LDLRAD4: variants seen among roughly 807,000 people sequenced by gnomAD.
LDLRAD4 encodes the protein low density lipoprotein receptor class A domain containing 4, also known as low-density lipoprotein receptor class A domain-containing protein 4.
A neutral mutation model predicts 17.0 loss-of-function variants in LDLRAD4; 5 were observed. That is an observed-to-expected ratio of 0.29 (90% CI 0.15 to 0.62). LDLRAD4 has a LOEUF of 0.62. Ranked by LOEUF, LDLRAD4 falls within the 20% of genes least tolerant of loss-of-function variation. The pLI is 0.84. For synonymous variants in LDLRAD4, 168 were observed against 171.8 expected, an observed-to-expected ratio of 0.98 and a Z score of 0.17; for missense variants, 340 against 424.7, an observed-to-expected ratio of 0.80 and a Z score of 1.75.
chr18:13,483,824 C>T (rs1026921131), intron 3 of LDLRAD4, among the ~76,000 whole-genome samples: 1 of 152,192 alleles, frequency 6.6e-6, no homozygotes, highest in Admixed American at 6.5e-5. Context: ...CAGCAGTACT[C>T]ACTAGCGCTC....
In LDLRAD4 at chr18:13,645,047, G is replaced by A. The variant is rs559595434; in HGVS notation, c.391-80G>A. 41 of 1,213,434 alleles carry A rather than the reference G, an allele frequency of 3.4e-5. No homozygotes were observed. The highest frequency in any genetic ancestry group is 1.1e-4 in the Admixed American group (5 of 46,670). The allele number at this position is 1,213,434 out of a possible 1,614,324, so 75.2% of individuals were successfully genotyped here. ...AAACTGGTAGGAACACACACCAAGCGTAACTTTCCTTGATTCTGACACATT... is the reference window on the plus strand; with the variant it reads ...AAACTGGTAGGAACACACACCAAGCATAACTTTCCTTGATTCTGACACATT... On this transcript the variant is annotated intron_variant, in intron 5 of 5. Coordinates refer to ENST00000359446, the Ensembl canonical transcript of LDLRAD4. The surrounding 1 kb of genome is among the most constrained non-coding windows in gnomAD (Gnocchi z 5.7).
intron 1 of LDLRAD4, among the ~76,000 whole-genome samples, chr18:13,294,822 T>TAA (rs11362104): frequency 4.8e-4 from 65 of 135,246 alleles, no homozygotes; most frequent in South Asian, 9.7e-4. Context: ...TGTAAAATAG[T>TAA]AAAAAAAAAA....
Position 13,221,016 on chromosome 18 carries a change from C to A in LDLRAD4, c.-467+2028C>A, listed in dbSNP as rs76138787. ...GGAATTCTTGAAATTGTAGACTGCT[C>A]TGATCTTTCTGGTAGTCCTTGCCAT... On this transcript the variant is annotated intron_variant, in intron 1 of 5. Coordinates refer to the LDLRAD4 transcript ENST00000399848. 9.8e-5 allele frequency among the ~76,000 whole-genome samples: 15 copies of A among 152,310 alleles called. No individual in the cohort carries two copies. In the East Asian group the frequency reaches 2.9e-3, roughly 29 times the overall value.
chr18:13,305,467 G>C (rs997812989), intron 1 of LDLRAD4, among the ~76,000 whole-genome samples: 1 of 152,180 alleles, frequency 6.6e-6, no homozygotes, highest in East Asian at 1.9e-4. Flanking sequence ...CTTCTCAACA[G>C]TAAATTTCAT....
At chr18:13,345,340 C>T (rs1244396906) in intron 1 of LDLRAD4, among the ~76,000 whole-genome samples, 1 of 152,142 alleles carries the variant, frequency 6.6e-6, no homozygotes, top group African/African-American at 2.4e-5. Context: ...TTGAGATAAT[C>T]ATGTGGTTTT....
At chr18:13,229,072 C>T (rs1337270661) in intron 1 of LDLRAD4, among the ~76,000 whole-genome samples, 1 of 152,222 alleles carries the variant, frequency 6.6e-6, no homozygotes, top group African/African-American at 2.4e-5. Flanking sequence ...GGCTTCTGTT[C>T]TGCCATCTGC....
chr18:13,309,992 C>T (rs151173561), intron 1 of LDLRAD4, among the ~76,000 whole-genome samples: 62 of 152,084 alleles, frequency 4.1e-4, no homozygotes, highest in Non-Finnish European at 7.5e-4. Flanking sequence ...CGGGCAGCCT[C>T]GGTGACAGTG....
intron 1 of LDLRAD4, among the ~76,000 whole-genome samples, chr18:13,219,466 C>T (rs1253395401): frequency 6.6e-6 from 1 of 152,070 alleles, no homozygotes; most frequent in African/African-American, 2.4e-5. Flanking sequence ...TCTTCTCATC[C>T]CCGGACCAGC....
rs534798084 is a variant in LDLRAD4, at chr18:13,459,159, C to CAAAA, written c.181+20804_181+20807dup. On this transcript the variant is annotated intron_variant, in intron 3 of 5. Coordinates refer to ENST00000359446, the Ensembl canonical transcript of LDLRAD4. ...ACATAGTGAGACTCCATCTCTACAC[C>CAAAA]AAAAAAAAAAAAAAAAAAAAAAAAA... is the stretch of plus-strand genomic sequence containing the variant. Among the ~76,000 whole-genome samples, 120 of 53,740 alleles carry CAAAA rather than the reference C, an allele frequency of 2.2e-3. 12 individuals carry two copies. Among genetic ancestry groups the CAAAA allele is most frequent in the African/African-American group, 5.9e-3 (98 of 16,606 alleles). The allele number at this position is 53,740 out of a possible 152,430, so 35.3% of individuals were successfully genotyped here.
chr18:13,455,321 C>A (rs528796768), intron 3 of LDLRAD4, among the ~76,000 whole-genome samples: 1 of 152,308 alleles, frequency 6.6e-6, no homozygotes, highest in African/African-American at 2.4e-5. Context: ...TTAAAATGCA[C>A]ACATTTAATT....
At position 13,280,575 on chromosome 18, in the gene LDLRAD4, G is replaced by T. The variant is rs181890366; in HGVS notation, c.-383+2387G>T. On this transcript the variant is annotated intron_variant, in intron 1 of 5. Transcript: ENST00000359446. ...CACACGGCATCCTGCTGGAGCGTGTGGGGGAGTGCTGCTGACGTGATTAAG... is the reference window on the plus strand; with the variant it reads ...CACACGGCATCCTGCTGGAGCGTGTTGGGGAGTGCTGCTGACGTGATTAAG... 1.2e-3 allele frequency among the ~76,000 whole-genome samples: 181 copies of T among 152,260 alleles called. 2 individuals are homozygous for T. The East Asian group carries it at 0.027, about 23-fold the overall frequency.
At chr18:13,584,920 G>C (rs1478417821) in intron 3 of LDLRAD4, among the ~76,000 whole-genome samples, 2 of 152,190 alleles carry the variant, frequency 1.3e-5, no homozygotes, top group African/African-American at 4.8e-5. Flanking sequence ...CTCAAGCTTT[G>C]CTGCCCACGT....
intron 1 of LDLRAD4, among the ~76,000 whole-genome samples, chr18:13,321,291 A>T (rs4796976): frequency 6.6e-6 from 1 of 152,338 alleles, no homozygotes; most frequent in Non-Finnish European, 1.5e-5. Flanking sequence ...CCTCCTGAAC[A>T]TTATGAGTCT....
intron 4 of LDLRAD4, among the ~76,000 whole-genome samples, chr18:13,637,887 AAGAG>A (rs1555779855): frequency 6.6e-6 from 1 of 151,210 alleles, no homozygotes; most frequent in Non-Finnish European, 1.5e-5. Flanking sequence ...AAAAAAAAAA[AAGAG>A]AGAGAGAGGT....
intron 1 of LDLRAD4, among the ~76,000 whole-genome samples, chr18:13,359,016 T>C (rs988824303): frequency 2.6e-5 from 4 of 152,156 alleles, no homozygotes; most frequent in African/African-American, 7.2e-5. Context: ...ACCAGTAATA[T>C]CAGGCGGCTG....
At chr18:13,304,922 G>A (rs1193134431) in intron 1 of LDLRAD4, among the ~76,000 whole-genome samples, 1 of 152,142 alleles carries the variant, frequency 6.6e-6, no homozygotes, top group African/African-American at 2.4e-5. Flanking sequence ...GACGGAGGGC[G>A]TGTTTATCAT....
rs549099064 is a variant in LDLRAD4 at position 13,322,597 on chromosome 18, G to A, written c.-383+44409G>A. 1.1e-4 allele frequency among the ~76,000 whole-genome samples: 16 copies of A among 150,762 alleles called. No homozygotes were observed. The South Asian group carries it at 2.9e-3, about 28-fold the overall frequency. ...AAAGTGGCGTGAGCCACTACACCTC[G>A]CCTGTCATCCATGTTTCTTTTCTTT... On this transcript the variant is annotated intron_variant, in intron 1 of 5. Transcript: ENST00000359446.
Position 13,346,849 on chromosome 18 carries a change from C to T in LDLRAD4, c.-382-40492C>T, listed in dbSNP as rs1172109656. 5.3e-5 allele frequency among the ~76,000 whole-genome samples: 8 copies of T among 152,200 alleles called. 1 individual carries two copies. Among genetic ancestry groups the T allele is most frequent in the African/African-American group, 1.7e-4 (7 of 41,550 alleles). On this transcript the variant is annotated intron_variant, in intron 1 of 5. Transcript: ENST00000359446. ...TTATGTAATGGCCTTCTTTGTCTCTCTTGATCTTTGTTGGTTTAAAGTCTG... is the reference window on the plus strand; with the variant it reads ...TTATGTAATGGCCTTCTTTGTCTCTTTTGATCTTTGTTGGTTTAAAGTCTG...
chr18:13,652,473 A>G (rs1321974887), exon 6 of LDLRAD4: 1 of 152,536 alleles, frequency 6.6e-6, no homozygotes, highest in African/African-American at 2.4e-5. Flanking sequence ...GTGAGCTATG[A>G]TAATCAAAAG....
Sources: allele counts gnomAD v4.1 joint callset (sites outside exome capture counted in the v4.1 genomes callset), GRCh38; gene constraint gnomAD v4.1.1; non-coding constraint Gnocchi (gnomAD v3.1); transcripts MANE v1.5; gene names NCBI Gene and HGNC (gene_info 2026-07-23, HGNC 2026-07-21).